DCC: variants seen among roughly 807,000 people sequenced by gnomAD.
The protein encoded by DCC is DCC netrin 1 receptor, also known as netrin receptor DCC.
A neutral mutation model predicts 172.5 loss-of-function variants in DCC; 58 were observed. That is an observed-to-expected ratio of 0.34 (90% CI 0.27 to 0.42). The LOEUF (loss-of-function observed/expected upper bound fraction) is 0.42, where lower values mean the gene tolerates loss of function less well. DCC is among the 10% of genes least tolerant of loss of function. DCC has a pLI of 1.00. For synonymous variants in DCC, 709 were observed against 644.5 expected (o/e 1.10, Z -1.52); for missense variants, 1,740 against 1,791.0 (o/e 0.97, Z 0.51).
intron 1 of DCC, among the ~76,000 whole-genome samples, chr18:52,497,293 A>ATATATGTG (rs2030817071): frequency 6.7e-5 from 2 of 29,932 alleles, no homozygotes; most frequent in South Asian, 9.1e-4. Flanking sequence ...ATATATATAT[A>ATATATGTG]TATATATATA....
chr18:52,483,693 G>A (rs1457070831), intron 1 of DCC, among the ~76,000 whole-genome samples: 2 of 151,974 alleles, frequency 1.3e-5, no homozygotes, highest in African/African-American at 4.8e-5. Context: ...TTAGAATCAT[G>A]TAAGTACTTT....
At chr18:53,150,862 GCTCCGCACT>G (rs1222101325) in intron 7 of DCC, among the ~76,000 whole-genome samples, 5 of 152,314 alleles carry the variant, frequency 3.3e-5, no homozygotes, top group Admixed American at 6.5e-5. Context: ...CTGAAACCTA[GCTCCGCACT>G]CTCAGAGACC....
intron 26 of DCC, among the ~76,000 whole-genome samples, chr18:53,490,222 T>TAA (rs5825022): frequency 1.3e-5 from 2 of 151,896 alleles, no homozygotes; most frequent in Admixed American, 6.6e-5. Context: ...TAGGGTATTT[T>TAA]AAAAAAATAC....
At chr18:53,439,503 G>T (rs991522038) in intron 22 of DCC, among the ~76,000 whole-genome samples, 32 of 152,286 alleles carry the variant, frequency 2.1e-4, no homozygotes, top group African/African-American at 7.5e-4. Context: ...TCAAAGCATT[G>T]TAATAGAATA....
intron 15 of DCC, among the ~76,000 whole-genome samples, chr18:53,355,145 G>A (rs2057863341): frequency 6.6e-6 from 1 of 152,034 alleles, no homozygotes; most frequent in Non-Finnish European, 1.5e-5. Context: ...TCTCTGTTTT[G>A]GTACCAGTAC....
intron 5 of DCC, among the ~76,000 whole-genome samples, chr18:53,032,122 A>G (rs575033159): frequency 6.6e-6 from 1 of 152,266 alleles, no homozygotes; most frequent in Non-Finnish European, 1.5e-5. Flanking sequence ...AATAATACAG[A>G]ACATACTTTC....
intron 1 of DCC, among the ~76,000 whole-genome samples, chr18:52,495,949 C>A (rs1414453245): frequency 1.3e-5 from 2 of 151,902 alleles, no homozygotes; most frequent in Non-Finnish European, 2.9e-5. Flanking sequence ...GGGAAGAAAA[C>A]CCTGCTTTCT....
intron 1 of DCC, among the ~76,000 whole-genome samples, chr18:52,598,064 G>A (rs1431868521): frequency 6.6e-6 from 1 of 152,168 alleles, no homozygotes; most frequent in Non-Finnish European, 1.5e-5. Context: ...TTTGGAGTCA[G>A]TAAAAATTGG....
rs770734401 is a variant in DCC at position 53,382,104 on chromosome 18, A to ACACACACACAC, written c.2360-3938_2360-3937insACACACACACC. ...CACACACACACACACACACACACACACCCCTACCTCCTAAGCACTTGAGTG... is the reference window on the plus strand; with the variant it reads ...CACACACACACACACACACACACACACACACACACACCCCCTACCTCCTAAGCACTTGAGTG... On this transcript the variant is annotated intron_variant, in intron 15 of 28. Coordinates refer to ENST00000442544, the MANE Select transcript of DCC (RefSeq NM_005215.4). Among the ~76,000 whole-genome samples, 199 of 52,936 alleles carry ACACACACACAC rather than the reference A, an allele frequency of 3.8e-3. 1 individual carries two copies. The highest frequency in any genetic ancestry group is 7.6e-3 in the African/African-American group (185 of 24,392). The allele number at this position is 52,936 out of a possible 152,430, so 34.7% of individuals were successfully genotyped here.
At chr18:52,804,446 G>A (rs2038049900) in intron 2 of DCC, among the ~76,000 whole-genome samples, 1 of 152,264 alleles carries the variant, frequency 6.6e-6, no homozygotes, top group Non-Finnish European at 1.5e-5. Flanking sequence ...TTGTATCGTT[G>A]AATCCTTAAA....
chr18:52,874,006 CTT>C (rs911762084), intron 2 of DCC, among the ~76,000 whole-genome samples: 25 of 152,274 alleles, frequency 1.6e-4, no homozygotes, highest in African/African-American at 5.5e-4. Flanking sequence ...TCTACTTTTT[CTT>C]TGTCTTCACG....
chr18:52,370,607 T>C (rs1202544902), intron 1 of DCC, among the ~76,000 whole-genome samples: 1 of 152,128 alleles, frequency 6.6e-6, no homozygotes, highest in Non-Finnish European at 1.5e-5. Flanking sequence ...AGCTAACGGA[T>C]GCTGGGCTTA....
chr18:52,446,033 G>T (rs1988110758), intron 1 of DCC, among the ~76,000 whole-genome samples: 1 of 152,134 alleles, frequency 6.6e-6, no homozygotes, highest in South Asian at 2.1e-4. Flanking sequence ...CCGGGTTCAC[G>T]TCATTCTCCT....
intron 1 of DCC, among the ~76,000 whole-genome samples, chr18:52,512,441 C>T (rs1015086642): frequency 3.9e-5 from 6 of 152,102 alleles, no homozygotes; most frequent in East Asian, 3.9e-4. Flanking sequence ...ACTTCTCGCC[C>T]ACTGAAGTTC....
chr18:53,498,252 C>T (rs1196743080), intron 26 of DCC, among the ~76,000 whole-genome samples: 1 of 152,120 alleles, frequency 6.6e-6, no homozygotes, highest in Admixed American at 6.6e-5. Context: ...CTCCGGGAGA[C>T]TTGTCTCAAA....
chr18:53,479,294 CCTCTTA>C (rs2045804324), intron 25 of DCC, among the ~76,000 whole-genome samples: 1 of 152,172 alleles, frequency 6.6e-6, no homozygotes, highest in East Asian at 1.9e-4. Context: ...CTTCATTCCA[CCTCTTA>C]CTCTGAATTA....
At chr18:52,409,438 C>T (rs1598795001) in intron 1 of DCC, among the ~76,000 whole-genome samples, 1 of 152,084 alleles carries the variant, frequency 6.6e-6, no homozygotes. Context: ...TTTTTCTTAG[C>T]TTATAAAACT....
chr18:53,384,104 A>G (rs1234564341), intron 15 of DCC, among the ~76,000 whole-genome samples: 1 of 126,876 alleles, frequency 7.9e-6, no homozygotes. Flanking sequence ...TTAAATCAGT[A>G]TCTCTTCTGG....
chr18:52,792,354 T>C (rs1021994661), intron 2 of DCC, among the ~76,000 whole-genome samples: 1 of 152,200 alleles, frequency 6.6e-6, no homozygotes, highest in African/African-American at 2.4e-5. Flanking sequence ...TTAAGAGATG[T>C]GATGGTCATG....
Sources: gnomAD v4.1 joint callset for allele counts (sites outside exome capture counted in the v4.1 genomes callset) on GRCh38, gnomAD v4.1.1 for gene constraint, MANE v1.5 for transcripts, NCBI Gene and HGNC (gene_info 2026-07-23, HGNC 2026-07-21) for gene names.